Variants in HK2 observed in about 807,000 individuals in gnomAD.
The protein encoded by HK2 is hexokinase 2, also known as hexokinase-2.
In HK2, 42 loss-of-function variants were observed where a neutral mutation model predicts 92.9. The ratio of observed to expected loss-of-function variants is 0.45; its 90% confidence interval spans 0.35 to 0.58. The LOEUF is 0.58. HK2 is among the 20% of genes least tolerant of loss of function. HK2 has a pLI of 0.00. For missense variants in HK2, 978 were observed against 1,245.1 expected (o/e 0.79, Z 3.23); for synonymous variants, 422 against 468.0 (o/e 0.90, Z 1.27).
intron 12 of HK2, among the ~76,000 whole-genome samples, chr2:74,884,874 A>G (rs1429629966): frequency 6.6e-6 from 1 of 152,218 alleles, no homozygotes; most frequent in Admixed American, 6.5e-5. Flanking sequence ...GCCACTGAGG[A>G]TGCTGAGGAG....
At chr2:74,890,646 A>T in intron 17 of HK2, 151 bp from the exon 18 acceptor site, 2 of 935,006 alleles carry the variant, frequency 2.1e-6, no homozygotes, top group Non-Finnish European at 3.5e-6. Context: ...ATATATAGTA[A>T]ATGTTTAATA....
At chr2:74,882,338 G>T in intron 12 of HK2, 99 bp downstream of exon 12, 1 of 1,580,270 alleles carries the variant, frequency 6.3e-7, no homozygotes, top group Non-Finnish European at 8.7e-7. Context: ...CTAAGACTAA[G>T]GAAAGGAGGG....
Position 74,886,340 on chromosome 2 carries a change from C to T in HK2, c.1982C>T (p.Thr661Ile). ...VVAVVNDTVGTMMTCGFEDPH... is the reference protein window; with the variant it reads ...VVAVVNDTVGIMMTCGFEDPH... The stretch of plus-strand genomic sequence containing the variant: ...GCTGTGGTGAACGACACAGTCGGAA[C>T]TATGATGACCTGTGGCTTTGAAGAC... The change falls in exon 14 of 18, where the codon ACT (threonine) becomes ATT (isoleucine). Residue 661 changes from threonine to isoleucine, a missense_variant. Around this residue, in one of 3 missense-constraint regions of HK2, gnomAD observed 742 missense variants for 922.5 expected, o/e 0.80. Coordinates refer to ENST00000290573, the MANE Select transcript of HK2 (RefSeq NM_000189.5). The T allele has an allele frequency of 1.2e-6, 2 of 1,614,190 alleles. No individual in the cohort carries two copies. The highest frequency in any genetic ancestry group is 1.1e-5 in the South Asian group (1 of 91,078).
chr2:74,836,215 G>T (rs1382446944), intron 1 of HK2, among the ~76,000 whole-genome samples: 3 of 152,108 alleles, frequency 2.0e-5, no homozygotes, highest in African/African-American at 7.2e-5. Flanking sequence ...ATTAATCTCA[G>T]GGAGTTCTCC....
intron 10 of HK2, 54 bp from the exon 11 acceptor site, chr2:74,881,657 C>T: frequency 6.3e-7 from 1 of 1,591,688 alleles, no homozygotes; most frequent in Non-Finnish European, 8.6e-7. Flanking sequence ...TGTACTGTCT[C>T]CACATTCCCC....
chr2:74,835,252 T>G (rs1430580788), intron 1 of HK2: 1 of 164,398 alleles, frequency 6.1e-6, no homozygotes, highest in African/African-American at 2.4e-5. Flanking sequence ...GAACTGAGGC[T>G]CGGCGAGGGG....
intron 1 of HK2, among the ~76,000 whole-genome samples, chr2:74,846,754 A>G (rs1190547370): frequency 2.6e-5 from 4 of 152,168 alleles, no homozygotes; most frequent in Non-Finnish European, 5.9e-5. Flanking sequence ...TCCTGGCTTC[A>G]AATGATCCTC....
At chr2:74,850,958 G>T (rs1246454199) in intron 1 of HK2, among the ~76,000 whole-genome samples, 1 of 151,536 alleles carries the variant, frequency 6.6e-6, no homozygotes, top group Non-Finnish European at 1.5e-5. Context: ...TGTGAAAGAG[G>T]GGAAGTTTGG....
At chr2:74,844,797 G>A (rs574699451) in intron 1 of HK2, among the ~76,000 whole-genome samples, 1 of 152,344 alleles carries the variant, frequency 6.6e-6, no homozygotes, top group African/African-American at 2.4e-5. Context: ...CAGTGTGGGC[G>A]CCAGCCTGAA....
In HK2 at chr2:74,848,034, C is replaced by A. The variant is rs1431619452; in HGVS notation, c.64-6259C>A. Among the ~76,000 whole-genome samples the A allele has an allele frequency of 2.0e-5, 3 of 152,222 alleles. No homozygotes were observed. The East Asian group carries it at 5.8e-4, about 29-fold the overall frequency. ...TGTGAAGGTGAGGAGCTTTCTGTTC[C>A]TGGAATTGGTAATTTCCCAGGGTCT... is the stretch of plus-strand genomic sequence containing the variant. On this transcript the variant is annotated intron_variant, in intron 1 of 17. Coordinates refer to ENST00000290573, the MANE Select transcript of HK2 (RefSeq NM_000189.5).
chr2:74,886,221 C>T, intron 13 of HK2, 73 bp from the exon 14 acceptor site: 4 of 1,040,286 alleles, frequency 3.8e-6, no homozygotes, highest in Non-Finnish European at 6.1e-6. Context: ...ACCTGTAAAT[C>T]TCCCATGCAA....
At chr2:74,861,428 A>AT (rs1688823805) in intron 2 of HK2, among the ~76,000 whole-genome samples, 2 of 152,068 alleles carry the variant, frequency 1.3e-5, no homozygotes, top group Admixed American at 6.5e-5. Flanking sequence ...AAAAAAAAAA[A>AT]GGGAATGCAG....
intron 1 of HK2, among the ~76,000 whole-genome samples, chr2:74,848,325 TG>T (rs1688491691): frequency 6.6e-6 from 1 of 152,262 alleles, no homozygotes; most frequent in Non-Finnish European, 1.5e-5. Flanking sequence ...AGAGCAGGGC[TG>T]TTGATTTCTT....
At chr2:74,867,841 T>C in intron 3 of HK2, 57 bp downstream of exon 3, 1 of 1,595,698 alleles carries the variant, frequency 6.3e-7, no homozygotes, top group Non-Finnish European at 8.6e-7. Context: ...TGGCATGTTC[T>C]TTCTGTACTT....
At position 74,872,395 on chromosome 2, in the gene HK2, C is replaced by T; in HGVS notation, c.471C>T (p.Pro157=). Residue 157 remains proline, a synonymous_variant, in exon 4 of 18, where the codon CCC becomes CCT. Coordinates refer to ENST00000290573, the MANE Select transcript of HK2 (RefSeq NM_000189.5). ...CACTGGGTTTTACCTTCTCGTTCCCCTGCCACCAGACTAAACTAGACGAGG... is the reference window on the plus strand; with the variant it reads ...CACTGGGTTTTACCTTCTCGTTCCCTTGCCACCAGACTAAACTAGACGAGG... The part of the protein sequence containing the change: ...KLPLGFTFSF[P]CHQTKLDESF... The T allele has an allele frequency of 1.2e-6, 2 of 1,614,092 alleles. No individual in the cohort carries two copies. The highest frequency in any genetic ancestry group is 1.7e-6 in the Non-Finnish European group (2 of 1,179,966).
At position 74,874,523 on chromosome 2, in the gene HK2, G is replaced by C. The variant is rs370185725; in HGVS notation, c.875+74G>C. 5.9e-4 allele frequency: 847 copies of C among 1,432,768 alleles called. 5 individuals are homozygous for C. In the East Asian group the frequency reaches 0.014, roughly 24 times the overall value. 88.8% of individuals were successfully genotyped at this position (1,432,768 alleles called of 1,614,324 possible). A position where few individuals can be genotyped will look rare whatever the true frequency, so the allele number is the denominator to read the frequency against. ...GAGTCTGGGGCTGGTCGGGGCCAGG[G>C]GGTTGTTTCTTTACAGTCTTACATC... On this transcript the variant is annotated intron_variant, in intron 7 of 17. Transcript: ENST00000290573.
intron 1 of HK2, among the ~76,000 whole-genome samples, chr2:74,844,569 C>G (rs150230347): frequency 8.9e-4 from 135 of 152,298 alleles, no homozygotes; most frequent in African/African-American, 3.0e-3. Flanking sequence ...CAGACTGGGA[C>G]AGACCCAGAG....
At chr2:74,865,906 T>C (rs1184153331) in intron 2 of HK2, among the ~76,000 whole-genome samples, 1 of 152,038 alleles carries the variant, frequency 6.6e-6, no homozygotes, top group Non-Finnish European at 1.5e-5. Context: ...GCACCACACT[T>C]GTGTGTCTAA....
At chr2:74,871,210 C>T (rs1689090320) in intron 3 of HK2, among the ~76,000 whole-genome samples, 4 of 152,206 alleles carry the variant, frequency 2.6e-5, no homozygotes, top group Admixed American at 1.3e-4. Context: ...ATGTACATTT[C>T]TAACATGTTC....
Sources: allele counts gnomAD v4.1 joint callset (sites outside exome capture counted in the v4.1 genomes callset), GRCh38; gene constraint gnomAD v4.1.1; regional missense constraint gnomAD v4.1.1; transcripts MANE v1.5; gene names NCBI Gene and HGNC (gene_info 2026-07-23, HGNC 2026-07-21).